Variants in DMD observed in about 807,000 individuals in gnomAD.
DMD encodes the protein dystrophin, also known as mutant dystrophin.
In DMD, 63 loss-of-function variants were observed where a neutral mutation model predicts 330.1. The observed-to-expected ratio is 0.19, with a 90% CI of 0.16 to 0.24. The LOEUF is 0.24. Among genes scored for constraint, DMD ranks in the 10% least tolerant of loss-of-function variants. The pLI is 1.00. For missense variants in DMD, 3,344 were observed against 2,684.1 expected (o/e 1.25, Z -5.43); for synonymous variants, 1,223 against 959.8 (o/e 1.27, Z -5.07).
At chrX:32,883,638 C>T (rs903842471) in intron 2 of DMD, among the ~76,000 whole-genome samples, 1 of 108,427 alleles carries the variant, frequency 9.2e-6, no homozygotes, top group Admixed American at 9.9e-5. Context: ...CCCTGGCTAA[C>T]ACGGTGAAAC....
chrX:32,599,349 G>A (rs753115862), intron 12 of DMD, among the ~76,000 whole-genome samples: 1 of 111,686 alleles, frequency 9.0e-6, no homozygotes, highest in South Asian at 3.7e-4. Flanking sequence ...GCCAAACTAG[G>A]AATCCATGAA....
chrX:32,683,880 G>T (rs1412163140), intron 9 of DMD, among the ~76,000 whole-genome samples: 2 of 109,791 alleles, frequency 1.8e-5, no homozygotes, highest in African/African-American at 6.6e-5. Flanking sequence ...AAGGGCCACT[G>T]AGTAATAATG....
At chrX:31,927,543 T>C (rs2094795748) in intron 47 of DMD, among the ~76,000 whole-genome samples, 1 of 111,847 alleles carries the variant, frequency 8.9e-6, no homozygotes, top group Admixed American at 9.5e-5. Flanking sequence ...TATGTAGCTA[T>C]AAAATTTAAT....
chrX:33,196,941 C>T (rs1002066288), intron 1 of DMD, among the ~76,000 whole-genome samples: 5 of 111,499 alleles, frequency 4.5e-5, no homozygotes, highest in African/African-American at 1.6e-4. Context: ...ACCAGCATAA[C>T]TTCTAGCGCT....
chrX:32,645,226 T>A, intron 9 of DMD, 74 bp from the exon 10 acceptor site: 1 of 1,066,696 alleles, frequency 9.4e-7, no homozygotes, highest in Non-Finnish European at 1.3e-6. Context: ...AAATGATGAA[T>A]CGAATGAAAT....
intron 51 of DMD, among the ~76,000 whole-genome samples, chrX:31,764,706 G>A (rs767365282): frequency 1.4e-3 from 151 of 111,332 alleles, no homozygotes; most frequent in African/African-American, 4.9e-3. Flanking sequence ...TTGATATGGG[G>A]GAGGGGTTAC....
intron 37 of DMD, among the ~76,000 whole-genome samples, chrX:32,361,140 A>ATG (rs1443843928): frequency 9.1e-6 from 1 of 109,775 alleles, no homozygotes; most frequent in Non-Finnish European, 1.9e-5. Context: ...TAAAATGTGC[A>ATG]TGTGTGTGTG....
intron 42 of DMD, among the ~76,000 whole-genome samples, chrX:32,296,166 T>C (rs745565329): frequency 9.0e-6 from 1 of 110,925 alleles, no homozygotes; most frequent in African/African-American, 3.3e-5. Flanking sequence ...CCGAGGTAGG[T>C]GGATCACTTT....
intron 7 of DMD, among the ~76,000 whole-genome samples, chrX:32,743,022 T>C (rs1334716781): frequency 2.7e-5 from 3 of 111,277 alleles, no homozygotes; most frequent in Non-Finnish European, 5.7e-5. Context: ...TCTCTTCCTC[T>C]GAGTCCTTCG....
intron 61 of DMD, among the ~76,000 whole-genome samples, chrX:31,347,908 C>T (rs1426173647): frequency 1.8e-5 from 2 of 112,147 alleles, no homozygotes; most frequent in African/African-American, 6.5e-5. Flanking sequence ...GAATAATAGC[C>T]ATTCTAATTG....
chrX:32,394,916 C>CAAAAAAAAAAAAA (rs72234458), intron 30 of DMD, among the ~76,000 whole-genome samples: 3 of 39,027 alleles, frequency 7.7e-5, no homozygotes, highest in Non-Finnish European at 1.5e-4. Flanking sequence ...AACAAAAAAA[C>CAAAAAAAAAAAAA]AAAAAAAAAA....
chrX:32,567,952 T>G (rs1421118047), intron 15 of DMD, among the ~76,000 whole-genome samples: 2 of 111,974 alleles, frequency 1.8e-5, no homozygotes, highest in Admixed American at 9.4e-5. Context: ...CTCTTTGACT[T>G]ACTTACTCAG....
At chrX:32,586,511 T>C (rs2054308168) in intron 13 of DMD, among the ~76,000 whole-genome samples, 1 of 109,482 alleles carries the variant, frequency 9.1e-6, no homozygotes. Context: ...AAATGCTATA[T>C]CTATTCATAT....
At chrX:31,201,828 GCA>G (rs1383567005) in intron 67 of DMD, among the ~76,000 whole-genome samples, 1 of 112,156 alleles carries the variant, frequency 8.9e-6, no homozygotes, top group Non-Finnish European at 1.9e-5. Context: ...AAGTCACAAT[GCA>G]CACACATATG....
intron 60 of DMD, among the ~76,000 whole-genome samples, chrX:31,424,684 T>C (rs894314660): frequency 6.5e-4 from 73 of 112,528 alleles, no homozygotes; most frequent in African/African-American, 2.3e-3. Context: ...TAGCTTAGCT[T>C]CTCTTTCAAA....
chrX:31,203,914 T>A, intron 67 of DMD, 47 bp downstream of exon 67: 1 of 1,136,853 alleles, frequency 8.8e-7, no homozygotes, highest in Non-Finnish European at 1.2e-6. Context: ...AATTAATTTC[T>A]AAAATATGAA....
Position 32,595,681 on chromosome X carries a change from C to A in DMD, c.1602+76G>T, listed in dbSNP as rs1378135881. Reference sequence around the variant, plus strand: ...AGTATTTTAATATATAAATTGCATTCTAAATTTTTAAAATACTTTTCAAGT... The same window carrying A: ...AGTATTTTAATATATAAATTGCATTATAAATTTTTAAAATACTTTTCAAGT... On this transcript the variant is annotated intron_variant, in intron 13 of 78. Transcript: ENST00000357033. The A allele has an allele frequency of 8.8e-6, 9 of 1,023,708 alleles. No individual in the cohort carries two copies. The African/African-American group carries it at 1.7e-4, about 19-fold the overall frequency. 84.4% of individuals were successfully genotyped at this position (1,023,708 alleles called of 1,213,427 possible). A position where few individuals can be genotyped will look rare whatever the true frequency, so the allele number is the denominator to read the frequency against.
At chrX:31,449,284 T>C (rs997015201) in intron 59 of DMD, among the ~76,000 whole-genome samples, 17 of 111,343 alleles carry the variant, frequency 1.5e-4, no homozygotes, top group African/African-American at 5.6e-4. Context: ...ACATTTGAAT[T>C]AATCGTAATA....
Position 31,266,743 on chromosome X carries a change from C to A in DMD, c.9225-5727G>T, listed in dbSNP as rs370184176. On this transcript the variant is annotated intron_variant, in intron 62 of 78. Transcript: ENST00000357033. ...CCAAGTTTTGACCGCCTCAGCTTGC[C>A]CCCTGCTCGCGCCACAAGTGCACGG... The A allele has an allele frequency of 4.6e-6, 5 of 1,075,388 alleles. No individual in the cohort carries two copies. In the East Asian group the frequency reaches 1.6e-4, roughly 34 times the overall value. 88.6% of individuals were successfully genotyped at this position (1,075,388 alleles called of 1,213,427 possible).
Sources: gnomAD v4.1 joint callset for allele counts (sites outside exome capture counted in the v4.1 genomes callset) on GRCh38, gnomAD v4.1.1 for gene constraint, MANE v1.5 for transcripts, NCBI Gene and HGNC (gene_info 2026-07-23, HGNC 2026-07-21) for gene names.